The following CUX1 variants were observed in gnomAD, a reference collection of about 807,000 sequenced individuals.
CUX1 encodes cut like homeobox 1.
CUX1 carries 31 observed loss-of-function variants against 158.8 expected under a neutral mutation model. The observed-to-expected ratio is 0.20, with a 90% confidence interval of 0.15 to 0.26. The LOEUF (loss-of-function observed/expected upper bound fraction) is 0.26. Ranked by LOEUF, CUX1 falls within the 10% of genes least tolerant of loss-of-function variation. The pLI, the probability that CUX1 is intolerant of heterozygous loss-of-function variation, is 1.00. For missense variants in CUX1, 1,589 were observed against 2,014.6 expected, an observed-to-expected ratio of 0.79 and a Z score of 4.04; for synonymous variants, 879 against 862.1, an observed-to-expected ratio of 1.02 and a Z score of -0.34.
intron 1 of CUX1, among the ~76,000 whole-genome samples, chr7:101,822,067 G>C (rs1488146743): frequency 6.6e-6 from 1 of 151,904 alleles, no homozygotes; most frequent in Non-Finnish European, 1.5e-5. Context: ...TGTTAGCCAG[G>C]ATGGTCTCGA....
At position 101,931,030 on chromosome 7, in the gene CUX1, A is replaced by T. The variant is rs201439231; in HGVS notation, c.141+14805A>T. Reference sequence around the variant, plus strand: ...AGAATCACTTGAACCTGGGAGGCGGAGATTGCAGTGAGCCGAGATCACGCC... The same window carrying T: ...AGAATCACTTGAACCTGGGAGGCGGTGATTGCAGTGAGCCGAGATCACGCC... On this transcript the variant is annotated intron_variant, in intron 2 of 23. Coordinates refer to ENST00000292535, the MANE Select transcript of CUX1 (RefSeq NM_181552.4). Among the ~76,000 whole-genome samples, 25 of 152,296 alleles carry T rather than the reference A, an allele frequency of 1.6e-4. No individual in the cohort carries two copies. The East Asian group carries it at 4.1e-3, about 25-fold the overall frequency.
At chr7:102,122,306 A>G (rs985746775) in intron 8 of CUX1, among the ~76,000 whole-genome samples, 32 of 152,102 alleles carry the variant, frequency 2.1e-4, no homozygotes, top group African/African-American at 7.2e-4. Context: ...TGGTTTTCAG[A>G]GTATGGACTT....
chr7:102,020,394 C>G (rs1306060060), intron 2 of CUX1, among the ~76,000 whole-genome samples: 1 of 152,150 alleles, frequency 6.6e-6, no homozygotes, highest in Non-Finnish European at 1.5e-5. Context: ...AAGTTGAGGT[C>G]TACAGTCCAC....
chr7:102,163,289 C>T (rs992384490), intron 9 of CUX1, among the ~76,000 whole-genome samples: 1 of 151,662 alleles, frequency 6.6e-6, no homozygotes, highest in African/African-American at 2.4e-5. Context: ...AGTTTGAGAC[C>T]AGCCTGGGCA....
chr7:102,182,676 C>G (rs1157542289), intron 11 of CUX1, among the ~76,000 whole-genome samples: 1 of 152,154 alleles, frequency 6.6e-6, no homozygotes, highest in African/African-American at 2.4e-5. Context: ...TAAAGAAGAA[C>G]TGTTTTTGCA....
At chr7:101,977,222 A>C (rs1002940611) in intron 2 of CUX1, among the ~76,000 whole-genome samples, 1 of 151,796 alleles carries the variant, frequency 6.6e-6, no homozygotes, top group Admixed American at 6.6e-5. Flanking sequence ...ACCCTTCCTG[A>C]TTTCCATTTC....
rs1554541686 is a variant in CUX1, at chr7:102,255,402, A to C, written c.*6360A>C. On this transcript the variant is annotated 3_prime_UTR_variant, in exon 24 of 24. Coordinates refer to ENST00000292535, the MANE Select transcript of CUX1 (RefSeq NM_181552.4). ...AAAAATCCCAAAAAAAAAAAAAGAC[A>C]AAAAAAAAAGGCTGGCGAGAGAAAG... 1 of 588,992 alleles carries C rather than the reference A, an allele frequency of 1.7e-6. No homozygotes were observed. Among genetic ancestry groups the C allele is most frequent in the Non-Finnish European group, 2.1e-6 (1 of 471,970 alleles). 36.5% of individuals were successfully genotyped at this position (588,992 alleles called of 1,614,324 possible).
chr7:102,017,662 A>G (rs922006143), intron 2 of CUX1, among the ~76,000 whole-genome samples: 1 of 152,242 alleles, frequency 6.6e-6, no homozygotes, highest in Non-Finnish European at 1.5e-5. Flanking sequence ...CCTGGCCAAC[A>G]TGGAGAAACC....
chr7:102,124,278 G>T lies in CUX1; in HGVS notation c.674+9005G>T, dbSNP rs187618105. 2.0e-5 allele frequency among the ~76,000 whole-genome samples: 3 copies of T among 152,338 alleles called. No homozygotes were observed. In the East Asian group the frequency reaches 5.8e-4, roughly 29 times the overall value. Reference sequence around the variant, plus strand: ...GTCAGGGTGGATAACGGGCATTTCTGCAGCCTGCACAGCAGTGCCGAATGC... The same window carrying T: ...GTCAGGGTGGATAACGGGCATTTCTTCAGCCTGCACAGCAGTGCCGAATGC... On this transcript the variant is annotated intron_variant, in intron 8 of 23. Coordinates refer to ENST00000292535, the MANE Select transcript of CUX1 (RefSeq NM_181552.4).
chr7:102,102,761 C>T (rs907087747), intron 5 of CUX1, among the ~76,000 whole-genome samples: 4 of 152,196 alleles, frequency 2.6e-5, no homozygotes, highest in South Asian at 2.1e-4. Context: ...TAGCAGCGGG[C>T]GACAATTCCT....
chr7:101,880,488 A>G (rs1366324087), intron 1 of CUX1, among the ~76,000 whole-genome samples: 1 of 152,178 alleles, frequency 6.6e-6, no homozygotes, highest in Non-Finnish European at 1.5e-5. Flanking sequence ...CTGGCTGTAT[A>G]AAGAGTGGGA....
intron 18 of CUX1, among the ~76,000 whole-genome samples, chr7:102,278,232 G>C (rs1389194361): frequency 6.6e-6 from 1 of 152,170 alleles, no homozygotes; most frequent in East Asian, 1.9e-4. Flanking sequence ...CTGCCTGCTA[G>C]CTGCCCTCCC....
intron 4 of CUX1, among the ~76,000 whole-genome samples, chr7:102,090,239 T>C (rs1828400698): frequency 1.3e-5 from 2 of 152,230 alleles, no homozygotes; most frequent in Non-Finnish European, 2.9e-5. Context: ...GAGTGTCTTT[T>C]ATCCAAAATG....
chr7:102,280,513 C>T (rs1554548963), intron 19 of CUX1, among the ~76,000 whole-genome samples: 1 of 152,220 alleles, frequency 6.6e-6, no homozygotes, highest in African/African-American at 2.4e-5. Context: ...CCCACAACTC[C>T]CCTCCCCCAC....
At chr7:102,175,191 G>A (rs1415800804) in intron 10 of CUX1, among the ~76,000 whole-genome samples, 5 of 152,254 alleles carry the variant, frequency 3.3e-5, no homozygotes, top group Middle Eastern at 3.4e-3. Flanking sequence ...CCCGCTGCCC[G>A]GTCCCCACTC....
intron 23 of CUX1, among the ~76,000 whole-genome samples, chr7:102,247,425 A>T (rs782530362): frequency 1.2e-4 from 18 of 152,212 alleles, no homozygotes; most frequent in Non-Finnish European, 2.5e-4. Context: ...GTTACTGCAC[A>T]CCAGGCGCCA....
At chr7:102,148,003 A>C (rs1204581413) in intron 8 of CUX1, among the ~76,000 whole-genome samples, 1 of 152,130 alleles carries the variant, frequency 6.6e-6, no homozygotes, top group Admixed American at 6.6e-5. Flanking sequence ...TAAATAAATA[A>C]ATTTGCATAT....
chr7:102,270,113 G>A, intron 14 of CUX1, among the ~76,000 whole-genome samples: 1 of 152,238 alleles, frequency 6.6e-6, no homozygotes, highest in East Asian at 1.9e-4. Flanking sequence ...TGAAGAACTT[G>A]CCGAAGATCG....
Position 102,254,021 on chromosome 7 carries a change from C to CT in CUX1, c.*4980dup, listed in dbSNP as rs1437721311. 3.3e-5 allele frequency: 33 copies of CT among 985,358 alleles called. No individual in the cohort carries two copies. In the African/African-American group the frequency reaches 5.2e-4, roughly 16 times the overall value. The allele number at this position is 985,358 out of a possible 1,614,324, so 61.0% of individuals were successfully genotyped here. On this transcript the variant is annotated 3_prime_UTR_variant, in exon 24 of 24. Transcript: ENST00000292535. ...ACGTGGGCTGGAGAGAGCAGAAAAG[C>CT]TGCCAGCGCAGCAGACACGAACATC...
Sources: allele counts gnomAD v4.1 joint callset (sites outside exome capture counted in the v4.1 genomes callset), GRCh38; gene constraint gnomAD v4.1.1; transcripts MANE v1.5; gene names NCBI Gene and HGNC (gene_info 2026-07-23, HGNC 2026-07-21).